Variants in AFF2 observed in about 807,000 individuals in gnomAD.
The protein encoded by AFF2 is AF4/FMR2 family member 2.
In AFF2, 14 loss-of-function variants were observed where a neutral mutation model predicts 76.9. That is an observed-to-expected ratio of 0.18 (90% CI 0.12 to 0.28). The LOEUF (loss-of-function observed/expected upper bound fraction) is 0.28, where lower values mean the gene tolerates loss of function less well. Ranked by LOEUF, AFF2 falls within the 10% of genes least tolerant of loss-of-function variation. The pLI is 1.00. For synonymous variants in AFF2, 398 were observed against 366.7 expected, an observed-to-expected ratio of 1.09 and a Z score of -0.98; for missense variants, 868 against 1,001.1, an observed-to-expected ratio of 0.87 and a Z score of 1.79.
chrX:148,526,369 T>G (rs1380449649), intron 1 of AFF2, among the ~76,000 whole-genome samples: 3 of 102,846 alleles, frequency 2.9e-5, no homozygotes, highest in Non-Finnish European at 6.0e-5. Context: ...CAATCTTGTT[T>G]TTTTTTTTTT....
chrX:148,863,095 T>C (rs1362620901), intron 7 of AFF2, among the ~76,000 whole-genome samples: 3 of 112,212 alleles, frequency 2.7e-5, no homozygotes, highest in Admixed American at 9.5e-5. Context: ...TTGTAACAGC[T>C]ACCTTATCAT....
chrX:148,669,597 A>T (rs1396225491), intron 3 of AFF2, among the ~76,000 whole-genome samples: 3 of 111,059 alleles, frequency 2.7e-5, no homozygotes, highest in Non-Finnish European at 5.7e-5. Context: ...AATAACCATC[A>T]GATCTCGTGA....
intron 3 of AFF2, among the ~76,000 whole-genome samples, chrX:148,696,507 C>A (rs1255880091): frequency 9.0e-6 from 1 of 111,340 alleles, no homozygotes; most frequent in Non-Finnish European, 1.9e-5. Flanking sequence ...TCTTTATCTT[C>A]ATATACATAG....
intron 7 of AFF2, among the ~76,000 whole-genome samples, chrX:148,882,182 A>G (rs1234216274): frequency 9.0e-6 from 1 of 111,684 alleles, no homozygotes; most frequent in East Asian, 2.8e-4. Flanking sequence ...GGGACCTGTC[A>G]TGTCATAGTG....
chrX:148,917,069 G>C (rs782256544), intron 9 of AFF2, among the ~76,000 whole-genome samples: 42 of 112,151 alleles, frequency 3.7e-4, no homozygotes, highest in African/African-American at 1.4e-3. Flanking sequence ...ATTAACCATT[G>C]GGTAAATTAT....
chrX:148,978,980 G>C (rs2072360184), intron 18 of AFF2, among the ~76,000 whole-genome samples: 1 of 111,839 alleles, frequency 8.9e-6, no homozygotes, highest in Non-Finnish European at 1.9e-5. Flanking sequence ...ATCGTAGGGA[G>C]CTGGGGCTTT....
At chrX:148,795,752 G>A (rs1312337616) in intron 3 of AFF2, among the ~76,000 whole-genome samples, 1 of 77,956 alleles carries the variant, frequency 1.3e-5, no homozygotes, top group African/African-American at 5.0e-5. Context: ...GCAGTGAGCC[G>A]AGATCCCGCC....
At chrX:148,564,487 C>T in intron 1 of AFF2, among the ~76,000 whole-genome samples, 1 of 100,354 alleles carries the variant, frequency 1.0e-5, no homozygotes, top group Admixed American at 1.2e-4. Context: ...AAAAAAAAAT[C>T]AACGTTACTC....
At chrX:148,884,781 G>A (rs1317378620) in intron 7 of AFF2, among the ~76,000 whole-genome samples, 2 of 112,079 alleles carry the variant, frequency 1.8e-5, no homozygotes, top group East Asian at 2.8e-4. Flanking sequence ...TGAGGGTTGG[G>A]TAGAGGAAAA....
intron 1 of AFF2, among the ~76,000 whole-genome samples, chrX:148,610,740 A>G (rs1453198009): frequency 1.8e-5 from 2 of 111,758 alleles, no homozygotes; most frequent in Non-Finnish European, 3.8e-5. Context: ...ACAATCTGGC[A>G]TTTGGGAAAT....
intron 3 of AFF2, among the ~76,000 whole-genome samples, chrX:148,679,678 A>G (rs148707507): frequency 1.8e-5 from 2 of 111,705 alleles, no homozygotes; most frequent in Admixed American, 1.9e-4. Context: ...TACTTCCCAG[A>G]TGAGCAGACT....
At chrX:148,518,471 A>G (rs2052562164) in intron 1 of AFF2, among the ~76,000 whole-genome samples, 1 of 112,720 alleles carries the variant, frequency 8.9e-6, no homozygotes, top group East Asian at 2.8e-4. Flanking sequence ...TTATAAACCA[A>G]TGTCCTTTGT....
chrX:148,673,610 C>A (rs376303577), intron 3 of AFF2, among the ~76,000 whole-genome samples: 3 of 112,093 alleles, frequency 2.7e-5, no homozygotes, highest in African/African-American at 9.7e-5. Flanking sequence ...AGGTCACATT[C>A]TGAGGTACTG....
At chrX:148,585,649 C>G (rs1373762723) in intron 1 of AFF2, among the ~76,000 whole-genome samples, 4 of 109,223 alleles carry the variant, frequency 3.7e-5, no homozygotes, top group Non-Finnish European at 5.7e-5. Context: ...ACCATCCTGG[C>G]TAACATGGTG....
chrX:148,913,453 A>T (rs2071493161), intron 9 of AFF2, among the ~76,000 whole-genome samples: 1 of 112,549 alleles, frequency 8.9e-6, no homozygotes. Context: ...ATCTGTAAGG[A>T]TAAGTTTCTT....
At chrX:148,912,721 C>G (rs929357329) in intron 9 of AFF2, among the ~76,000 whole-genome samples, 6 of 112,327 alleles carry the variant, frequency 5.3e-5, no homozygotes, top group African/African-American at 1.9e-4. Context: ...GTCTCTTTTA[C>G]AGTGTGACAC....
rs782383451 is a variant in AFF2 at position 148,652,182 on chromosome X, C to A, written c.180+51C>A. ...TGGTTGCTTGTTACATTTTTGAACT[C>A]ACTAATCAACATTTAATTTATGTTT... On this transcript the variant is annotated intron_variant, in intron 2 of 20. Coordinates refer to ENST00000370460, the MANE Select transcript of AFF2 (RefSeq NM_002025.4). The A allele has an allele frequency of 4.3e-6, 4 of 923,809 alleles. No individual in the cohort carries two copies. The South Asian group carries it at 7.3e-5, about 17-fold the overall frequency. The allele number at this position is 923,809 out of a possible 1,213,427, so 76.1% of individuals were successfully genotyped here. A position where few individuals can be genotyped will look rare whatever the true frequency, so the allele number is the denominator to read the frequency against.
chrX:148,761,994 TATAGATATAGATATAG>T (rs1569555066), intron 3 of AFF2, among the ~76,000 whole-genome samples: 2 of 108,447 alleles, frequency 1.8e-5, no homozygotes, highest in African/African-American at 3.5e-5. Context: ...TAGATATAGA[TATAGATATAGATATAG>T]ATAGATATAT....
At chrX:148,730,518 T>C (rs2055208346) in intron 3 of AFF2, among the ~76,000 whole-genome samples, 1 of 112,999 alleles carries the variant, frequency 8.8e-6, no homozygotes, top group African/African-American at 3.2e-5. Flanking sequence ...TTAAGAAAAT[T>C]AGGGGAAGAT....
Sources: gnomAD v4.1 joint callset for allele counts (sites outside exome capture counted in the v4.1 genomes callset) on GRCh38, gnomAD v4.1.1 for gene constraint, MANE v1.5 for transcripts, NCBI Gene and HGNC (gene_info 2026-07-23, HGNC 2026-07-21) for gene names.